PFAS: variants seen among roughly 807,000 people sequenced by gnomAD.
PFAS encodes phosphoribosylformylglycinamidine synthase.
PFAS carries 97 observed loss-of-function variants against 140.6 expected under a neutral mutation model. That is an observed-to-expected ratio of 0.69 (90% CI 0.59 to 0.82). PFAS has a LOEUF of 0.82. Ranked by LOEUF, PFAS falls within the 40% of genes least tolerant of loss-of-function variation. The pLI is 0.00. For missense variants in PFAS, 1,656 were observed against 1,780.2 expected (o/e 0.93, Z 1.26); for synonymous variants, 679 against 718.8 (o/e 0.94, Z 0.88).
chr17:8,257,724 G>A lies in PFAS; in HGVS notation c.1076-83G>A. On this transcript the variant is annotated intron_variant, in intron 9 of 27. Coordinates refer to ENST00000314666, the MANE Select transcript of PFAS (RefSeq NM_012393.3). Reference sequence around the variant, plus strand: ...CATGCAGGTGGTCCTTGGTGGCCTTGACTCTTCCTGAAGGATGCAGGCTGC... The same window carrying A: ...CATGCAGGTGGTCCTTGGTGGCCTTAACTCTTCCTGAAGGATGCAGGCTGC... 7 of 1,463,020 alleles carry A rather than the reference G, an allele frequency of 4.8e-6. No homozygotes were observed. In the Admixed American group the frequency reaches 8.4e-5, roughly 17 times the overall value. The allele number at this position is 1,463,020 out of a possible 1,614,324, so 90.6% of individuals were successfully genotyped here.
intron 3 of PFAS, among the ~76,000 whole-genome samples, 180 bp from the exon 4 acceptor site, chr17:8,254,847 G>A: frequency 6.6e-6 from 1 of 152,356 alleles, no homozygotes; most frequent in East Asian, 1.9e-4. Context: ...CTAGAGGACA[G>A]TTTTGGTTTG....
At chr17:8,248,859 T>A (rs1989000231), upstream of PFAS, among the ~76,000 whole-genome samples, 1 of 152,178 alleles carries the variant, frequency 6.6e-6, no homozygotes, top group Non-Finnish European at 1.5e-5. Flanking sequence ...GCGCCCAGCC[T>A]CCGTCTCCCT....
chr17:8,258,858 G>A (rs2151583724), intron 11 of PFAS, among the ~76,000 whole-genome samples: 1 of 152,098 alleles, frequency 6.6e-6, no homozygotes, highest in Admixed American at 6.5e-5. Flanking sequence ...GTGGTGGCGG[G>A]CACCTGTAGT....
At chr17:8,264,071 G>A (rs2151591658) in intron 15 of PFAS, 135 bp downstream of exon 15, 1 of 1,455,702 alleles carries the variant, frequency 6.9e-7, no homozygotes, top group Non-Finnish European at 9.6e-7. Context: ...TGTGGGGAAT[G>A]TTGGATCCAA....
At chr17:8,268,011 T>C (rs11658322) in intron 26 of PFAS, among the ~76,000 whole-genome samples, 21,610 of 138,054 alleles carry the variant, frequency 0.16, 2,101 homozygotes, top group Non-Finnish European at 0.23. Flanking sequence ...ATTATTTATA[T>C]ATATTATTTA....
In PFAS at chr17:8,265,281, C is replaced by T. The variant is rs1989765903; in HGVS notation, c.2281-7C>T. 3 of 1,610,652 alleles carry T rather than the reference C, an allele frequency of 1.9e-6. No homozygotes were observed. The highest frequency in any genetic ancestry group is 1.1e-5 in the South Asian group (1 of 90,530). On this transcript the variant is annotated splice_polypyrimidine_tract_variant and splice_region_variant and intron_variant, in intron 18 of 27. Coordinates refer to ENST00000314666, the MANE Select transcript of PFAS (RefSeq NM_012393.3). The stretch of plus-strand genomic sequence containing the variant: ...CCCCTCTAATGCTGTGCCTCTGCCA[C>T]CCCCAGGATGTGAAGTGTAGCGGGA...
intron 1 of PFAS, among the ~76,000 whole-genome samples, chr17:8,250,079 A>G (rs549377136): frequency 2.6e-5 from 4 of 152,338 alleles, no homozygotes; most frequent in African/African-American, 9.6e-5. Context: ...AGAGCTAGCC[A>G]TGCATATGTC....
Position 8,254,031 on chromosome 17 carries a change from G to C in PFAS, c.94G>C (p.Glu32Gln). The C allele has an allele frequency of 5.0e-6, 8 of 1,614,192 alleles. No individual in the cohort carries two copies. Among genetic ancestry groups the C allele is most frequent in the Non-Finnish European group, 6.8e-6 (8 of 1,180,040 alleles). Residue 32 changes from glutamate to glutamine, a missense_variant, in exon 2 of 28, where the codon GAG becomes CAG. This residue lies in a region of PFAS where 773 missense variants were observed against 757.3 expected (regional missense o/e 1.02). Coordinates refer to ENST00000314666, the MANE Select transcript of PFAS (RefSeq NM_012393.3). ...TRRKLQGKLP[E>Q]LQGVETELCY... is the part of the protein sequence containing the mutation. ...GAGGAAACTGCAAGGGAAACTGCCA[G>C]AGCTGCAGGGCGTCGAGACTGAACT... is the stretch of plus-strand genomic sequence containing the variant.
chr17:8,268,682 GC>G lies in PFAS; in HGVS notation c.3533del (p.Ala1178ValfsTer40). 6.2e-7 allele frequency: 1 copy of G among 1,613,562 alleles called. No individual in the cohort carries two copies. The highest frequency in any genetic ancestry group is 8.5e-7 in the Non-Finnish European group (1 of 1,179,932). On this transcript the variant is annotated frameshift_variant, in exon 27 of 28. Transcript: ENST00000314666. LOFTEE classifies it high-confidence loss of function. ...GWVGGDPNED[A>X]AEMGPDSQPA... ...GGTGGGAGGCGACCCCAATGAGGAT[GC>G]TGCAGAGATGGGCCCTGACTCCCAG...
At chr17:8,257,995 T>A in intron 10 of PFAS, 57 bp downstream of exon 10, 1 of 1,611,916 alleles carries the variant, frequency 6.2e-7, no homozygotes. Flanking sequence ...GGGTGGGGTG[T>A]GCGACCCAGG....
intron 11 of PFAS, among the ~76,000 whole-genome samples, chr17:8,261,892 A>G (rs1989609110): frequency 6.6e-6 from 1 of 151,822 alleles, no homozygotes; most frequent in Non-Finnish European, 1.5e-5. Context: ...AGTATGGGTG[A>G]GTTCTCCCAC....
At chr17:8,259,868 T>C (rs1302440747) in intron 11 of PFAS, among the ~76,000 whole-genome samples, 3 of 152,040 alleles carry the variant, frequency 2.0e-5, no homozygotes, top group African/African-American at 7.2e-5. Context: ...TGGGAGGCCA[T>C]GGTGGGCAGA....
At chr17:8,248,037 G>C, upstream of PFAS, 4 of 1,580,878 alleles carry the variant, frequency 2.5e-6, no homozygotes, top group East Asian at 2.4e-5. Flanking sequence ...CAGCCGCCAT[G>C]ATGCGCCGGA....
chr17:8,263,231 C>T lies in PFAS; in HGVS notation c.1533C>T (p.Ile511=). ...ACVEAPKGNP[I]CSLHDQGAGG... The stretch of plus-strand genomic sequence containing the variant: ...TGGAGGCCCCCAAGGGAAACCCCAT[C>T]TGCAGCCTTCATGATCAGGGCGCTG... The change falls in exon 13 of 28, where the codon ATC becomes ATT. Residue 511 remains isoleucine (I), a synonymous_variant. Coordinates refer to ENST00000314666, the MANE Select transcript of PFAS (RefSeq NM_012393.3). 5 of 1,614,190 alleles carry T rather than the reference C, an allele frequency of 3.1e-6. No individual in the cohort carries two copies. The highest frequency in any genetic ancestry group is 4.2e-6 in the Non-Finnish European group (5 of 1,180,032).
chr17:8,267,790 G>A lies in PFAS; in HGVS notation c.3382+125G>A, dbSNP rs150729589. Reference sequence around the variant, plus strand: ...GAGCTACGAGAGAGTGGGCCCATTCGTTCTGGGCCACATGCCAACAGAAGG... The same window carrying A: ...GAGCTACGAGAGAGTGGGCCCATTCATTCTGGGCCACATGCCAACAGAAGG... On this transcript the variant is annotated intron_variant, in intron 26 of 27. Transcript: ENST00000314666. The surrounding 1 kb of genome is among the most constrained non-coding windows in gnomAD (Gnocchi z 4.9). 2.0e-4 allele frequency: 95 copies of A among 485,558 alleles called. No homozygotes were observed. Among genetic ancestry groups the A allele is most frequent in the African/African-American group, 1.7e-3 (87 of 50,498 alleles). The allele number at this position is 485,558 out of a possible 1,614,324, so 30.1% of individuals were successfully genotyped here.
At chr17:8,258,839 T>G (rs535382577) in intron 11 of PFAS, among the ~76,000 whole-genome samples, 1 of 151,806 alleles carries the variant, frequency 6.6e-6, no homozygotes, top group Non-Finnish European at 1.5e-5. Flanking sequence ...ATAAAAAAAT[T>G]AGCCAGGTGT....
chr17:8,259,818 A>T (rs1989519429), intron 11 of PFAS, among the ~76,000 whole-genome samples: 1 of 140,838 alleles, frequency 7.1e-6, no homozygotes, highest in Non-Finnish European at 1.6e-5. Flanking sequence ...AAATAAATGT[A>T]GGCTGAGTGT....
rs751669951 is a variant in PFAS at position 8,256,855 on chromosome 17, G to T, written c.967G>T (p.Ala323Ser). ...FPTGVCPFSG[A>S]TTGTGGRIRD... ...TGCAGGAGTATGCCCCTTTAGTGGTGCAACCACTGGCACAGGGGGCCGGAT... is the reference window on the plus strand; with the variant it reads ...TGCAGGAGTATGCCCCTTTAGTGGTTCAACCACTGGCACAGGGGGCCGGAT... Residue 323 changes from alanine (A) to serine (S), a missense_variant, in exon 9 of 28, where the codon GCA (alanine) becomes TCA (serine). Physicochemically the swap from Ala to Ser is moderately conservative, Grantham distance 99. This residue lies in a region of PFAS where 773 missense variants were observed against 757.3 expected (regional missense o/e 1.02). Coordinates refer to ENST00000314666, the MANE Select transcript of PFAS (RefSeq NM_012393.3). The T allele has an allele frequency of 2.5e-6, 4 of 1,609,660 alleles. No individual in the cohort carries two copies. In the African/African-American group the frequency reaches 5.3e-5, roughly 21 times the overall value.
At position 8,258,147 on chromosome 17, in the gene PFAS, G is replaced by A. The variant is rs1270471400; in HGVS notation, c.1284G>A (p.Gly428=). 4 of 1,613,998 alleles carry A rather than the reference G, an allele frequency of 2.5e-6. No individual in the cohort carries two copies. In the South Asian group the frequency reaches 3.3e-5, roughly 13 times the overall value. Residue 428 remains glycine, a synonymous_variant, in exon 11 of 28, where the codon GGG becomes GGA. Transcript: ENST00000314666. ...REWIKPIMFS[G]GIGSMEADHI... is the part of the protein sequence containing the mutation. ...GGATCAAGCCCATCATGTTTAGTGG[G>A]GGCATTGGGTCCATGGAAGCTGACC...
Sources: gnomAD v4.1 joint callset for allele counts (sites outside exome capture counted in the v4.1 genomes callset) on GRCh38, gnomAD v4.1.1 for gene constraint, gnomAD v4.1.1 regional missense constraint, Gnocchi (gnomAD v3.1) non-coding constraint, MANE v1.5 for transcripts, NCBI Gene and HGNC (gene_info 2026-07-23, HGNC 2026-07-21) for gene names.